Variants in PRICKLE3 observed in about 807,000 individuals in gnomAD.
The protein encoded by PRICKLE3 is LIM domain only protein 6.
PRICKLE3 carries 17 observed loss-of-function variants against 33.8 expected under a neutral mutation model. That is an observed-to-expected ratio of 0.50 (90% CI 0.34 to 0.75). The LOEUF (loss-of-function observed/expected upper bound fraction) is 0.75, where lower values mean the gene tolerates loss of function less well. PRICKLE3 is among the 30% of genes least tolerant of loss of function. The pLI is 0.01. For missense variants in PRICKLE3, 573 were observed against 576.7 expected, an observed-to-expected ratio of 0.99 and a Z score of 0.07; for synonymous variants, 211 against 219.6, an observed-to-expected ratio of 0.96 and a Z score of 0.34.
intron 1 of PRICKLE3, among the ~76,000 whole-genome samples, 197 bp downstream of exon 1, chrX:49,186,059 T>C (rs2065481450): frequency 2.6e-5 from 2 of 75,822 alleles, no homozygotes; most frequent in African/African-American, 1.0e-4. Context: ...GGAGAGGTGA[T>C]TAGGGGGTTT....
intron 5 of PRICKLE3, 29 bp downstream of exon 5, chrX:49,179,222 C>T: frequency 8.3e-7 from 1 of 1,203,839 alleles, no homozygotes; most frequent in Non-Finnish European, 1.1e-6. Flanking sequence ...AGAGGCACTG[C>T]TCACTCGCTG....
intron 3 of PRICKLE3, among the ~76,000 whole-genome samples, chrX:49,181,523 A>ACG (rs2065451144): frequency 2.4e-5 from 2 of 84,145 alleles, no homozygotes; most frequent in South Asian, 6.1e-4. Flanking sequence ...ATATATACGT[A>ACG]TATATGTGTA....
rs781882354 is a variant in PRICKLE3, at chrX:49,176,180, G to A, written c.1341C>T (p.Pro447=). Residue 447 remains proline (P), a synonymous_variant, in exon 9 of 9, where the codon CCC becomes CCT. Coordinates refer to ENST00000599218, the MANE Select transcript of PRICKLE3 (RefSeq NM_006150.5). ...GGCCGGGGGACTCTGGGGGCGGCTC[G>A]GGGACACTGCGGAGCCCCAGTTCCG... ...SMPELGLRSV[P]EPPPESPGQP... The A allele has an allele frequency of 8.4e-5, 99 of 1,182,483 alleles. No individual in the cohort carries two copies. The highest frequency in any genetic ancestry group is 1.1e-4 in the Non-Finnish European group (95 of 881,277).
Position 49,176,127 on chromosome X carries a change from G to A in PRICKLE3, c.1394C>T (p.Ala465Val), listed in dbSNP as rs200770385. Reference protein sequence around the residue: ...GQPNLRPDDSAFGRQSTPRVS... With the variant: ...GQPNLRPDDSVFGRQSTPRVS... ...GCGTGGGGTGCTCTGACGACCGAAG[G>A]CACTATCATCTGGGCGCAGGTTAGG... Residue 465 changes from alanine (A) to valine (V), a missense_variant, in exon 9 of 9, where the codon GCC (alanine) becomes GTC (valine). By Grantham distance (64) the Ala-to-Val change is moderately conservative. Coordinates refer to ENST00000599218, the MANE Select transcript of PRICKLE3 (RefSeq NM_006150.5). 5.6e-5 allele frequency: 68 copies of A among 1,204,578 alleles called. No individual in the cohort carries two copies. Among genetic ancestry groups the A allele is most frequent in the Middle Eastern group, 4.6e-4 (2 of 4,356 alleles).
In PRICKLE3 at chrX:49,186,260, C is replaced by T. The variant is rs2065482666; in HGVS notation, c.38G>A (p.Arg13His). 1.7e-6 allele frequency: 2 copies of T among 1,155,612 alleles called. No individual in the cohort carries two copies. The highest frequency in any genetic ancestry group is 2.3e-6 in the Non-Finnish European group (2 of 868,066). Reference protein sequence around the residue: ...ARGSRRRRSGRAPPEAEDPDR... With the variant: ...ARGSRRRRSGHAPPEAEDPDR... ...GCTGCCCTGACTCCCGCTCACCGCA[C>T]GCCCGGAGCGGCGCCTCCGGGACCC... Residue 13 changes from arginine to histidine, a missense_variant, in exon 1 of 9, where the codon CGT (arginine) becomes CAT (histidine). Physicochemically the swap from Arg to His is conservative, Grantham distance 29 (BLOSUM62 0). Transcript: ENST00000599218.
intron 5 of PRICKLE3, among the ~76,000 whole-genome samples, chrX:49,179,015 A>T (rs782443498): frequency 3.6e-4 from 40 of 111,959 alleles, no homozygotes; most frequent in Non-Finnish European, 5.5e-4. Context: ...GACAAACCCC[A>T]CACGACAGTG....
rs1207651028 is a variant in PRICKLE3 at position 49,184,899 on chromosome X, G to A, written c.43-189C>T. Reference sequence around the variant, plus strand: ...GGGACACAACCGAGGCAGAGGCGGGGCAGTTGGAGCCACCTCCTTATATGT... The same window carrying A: ...GGGACACAACCGAGGCAGAGGCGGGACAGTTGGAGCCACCTCCTTATATGT... On this transcript the variant is annotated intron_variant, in intron 1 of 8. Transcript: ENST00000599218. 3 of 1,125,816 alleles carry A rather than the reference G, an allele frequency of 2.7e-6. No homozygotes were observed. In the African/African-American group the frequency reaches 5.5e-5, roughly 21 times the overall value. 92.8% of individuals were successfully genotyped at this position (1,125,816 alleles called of 1,213,427 possible). A position where few individuals can be genotyped will look rare whatever the true frequency, so the allele number is the denominator to read the frequency against.
chrX:49,182,744 C>G (rs1402912981), intron 3 of PRICKLE3, among the ~76,000 whole-genome samples: 1 of 111,912 alleles, frequency 8.9e-6, no homozygotes, highest in Non-Finnish European at 1.9e-5. Context: ...AATTCCATAG[C>G]CCTTACACCA....
chrX:49,186,133 G>T, intron 1 of PRICKLE3, 123 bp downstream of exon 1: 1 of 865,623 alleles, frequency 1.2e-6, no homozygotes, highest in Non-Finnish European at 1.6e-6. Flanking sequence ...CCAGGTCTGG[G>T]AATGCAGGGG....
chrX:49,176,049 C>T lies in PRICKLE3; in HGVS notation c.1472G>A (p.Ser491Asn). 1.7e-6 allele frequency: 2 copies of T among 1,207,873 alleles called. No individual in the cohort carries two copies. Among genetic ancestry groups the T allele is most frequent in the Non-Finnish European group, 2.2e-6 (2 of 893,831 alleles). The change falls in exon 9 of 9, where the codon AGT (serine) becomes AAT (asparagine). Residue 491 changes from serine (S) to asparagine (N), a missense_variant. By Grantham distance (46) the Ser-to-Asn change is conservative. Coordinates refer to ENST00000599218, the MANE Select transcript of PRICKLE3 (RefSeq NM_006150.5). ...CCTGCGGCGCTGGGCCGGGGGTGCACTCAGGGTCCGGCGCGGGCCTCCTTC... is the reference window on the plus strand; with the variant it reads ...CCTGCGGCGCTGGGCCGGGGGTGCATTCAGGGTCCGGCGCGGGCCTCCTTC... ...VSEGGPRRTL[S>N]APPAQRRRPR...
intron 1 of PRICKLE3, 57 bp from the exon 2 acceptor site, chrX:49,184,767 A>G: frequency 8.6e-7 from 1 of 1,160,033 alleles, no homozygotes; most frequent in Non-Finnish European, 1.2e-6. Context: ...AGGGAAGGAG[A>G]AGTCAACGCC....
intron 8 of PRICKLE3, among the ~76,000 whole-genome samples, 189 bp from the exon 9 acceptor site, chrX:49,176,454 G>C (rs2065417980): frequency 1.8e-5 from 2 of 110,198 alleles, no homozygotes. Flanking sequence ...GTGTTGAGAG[G>C]GTTGGAAGGA....
chrX:49,176,204 C>T lies in PRICKLE3; in HGVS notation c.1317G>A (p.Pro439=), dbSNP rs782649393. ...LRGAPHRHSM[P]ELGLRSVPEP... is the part of the protein sequence containing the mutation. ...CGGGGACACTGCGGAGCCCCAGTTC[C>T]GGCATGGAGTGGCGGTGGGGAGCCC... Residue 439 remains proline, a synonymous_variant, in exon 9 of 9, where the codon CCG becomes CCA. Coordinates refer to ENST00000599218, the MANE Select transcript of PRICKLE3 (RefSeq NM_006150.5). 2.7e-5 allele frequency: 31 copies of T among 1,168,810 alleles called. 1 individual carries two copies. Among genetic ancestry groups the T allele is most frequent in the South Asian group, 2.4e-4 (12 of 50,284 alleles).
Position 49,175,240 on chromosome X carries a change from A to G in PRICKLE3, c.*433T>C. ...AAATTACTTCAATAATACAAACGAGAGGCCCGGTGCGGTGGCTCATGCCTG... is the reference window on the plus strand; with the variant it reads ...AAATTACTTCAATAATACAAACGAGGGGCCCGGTGCGGTGGCTCATGCCTG... On this transcript the variant is annotated 3_prime_UTR_variant, in exon 9 of 9. Coordinates refer to ENST00000599218, the MANE Select transcript of PRICKLE3 (RefSeq NM_006150.5). The G allele has an allele frequency of 6.0e-6, 1 of 167,910 alleles. No individual in the cohort carries two copies. The highest frequency in any genetic ancestry group is 1.5e-4 in the East Asian group (1 of 6,800). 13.8% of individuals were successfully genotyped at this position (167,910 alleles called of 1,213,427 possible).
chrX:49,176,192 G>A lies in PRICKLE3; in HGVS notation c.1329C>T (p.Leu443=), dbSNP rs1037806545. ...PHRHSMPELG[L]RSVPEPPPES... ...CTGGGGGCGGCTCGGGGACACTGCG[G>A]AGCCCCAGTTCCGGCATGGAGTGGC... Residue 443 remains leucine, a synonymous_variant, in exon 9 of 9, where the codon CTC becomes CTT. Coordinates refer to ENST00000599218, the MANE Select transcript of PRICKLE3 (RefSeq NM_006150.5). The A allele has an allele frequency of 1.2e-5, 14 of 1,176,974 alleles. No individual in the cohort carries two copies. The highest frequency in any genetic ancestry group is 1.6e-5 in the Non-Finnish European group (14 of 877,678).
rs782672842 is a variant in PRICKLE3, at chrX:49,178,118, C to T, written c.830G>A (p.Cys277Tyr). The change falls in exon 7 of 9, where the codon TGC becomes TAC. Residue 277 changes from cysteine to tyrosine, a missense_variant. Transcript: ENST00000599218. ...EGRHWHMDHF[C>Y]CFECEASLGG... ...TAGTGAAGCTTCACACTCAAAGCAG[C>T]AGAAGTGATCCATGTGCCAGTGGCG... 1 of 1,184,816 alleles carries T rather than the reference C, an allele frequency of 8.4e-7. No homozygotes were observed. Among genetic ancestry groups the T allele is most frequent in the Admixed American group, 2.3e-5 (1 of 43,710 alleles).
intron 3 of PRICKLE3, among the ~76,000 whole-genome samples, chrX:49,180,576 C>T (rs2065444044): frequency 9.0e-6 from 1 of 111,352 alleles, no homozygotes; most frequent in African/African-American, 3.3e-5. Context: ...ACCACTCTCT[C>T]TTCCTGGAAA....
At chrX:49,179,526 C>T in intron 4 of PRICKLE3, 138 bp from the exon 5 acceptor site, 1 of 976,271 alleles carries the variant, frequency 1.0e-6, no homozygotes, top group South Asian at 2.1e-5. Context: ...ACCACCTCTT[C>T]TTCCAAGGCC....
chrX:49,181,365 C>T (rs1421693530), intron 3 of PRICKLE3, among the ~76,000 whole-genome samples: 1 of 92,550 alleles, frequency 1.1e-5, no homozygotes, highest in Non-Finnish European at 2.1e-5. Flanking sequence ...GAGACCCCCC[C>T]CCATATATAT....
Sources: allele counts gnomAD v4.1 joint callset (sites outside exome capture counted in the v4.1 genomes callset), GRCh38; gene constraint gnomAD v4.1.1; transcripts MANE v1.5; gene names NCBI Gene and HGNC (gene_info 2026-07-23, HGNC 2026-07-21).